The following RASSF3 variants were observed in gnomAD, a reference collection of about 807,000 sequenced individuals.
RASSF3 encodes Ras association domain family member 3.
A neutral mutation model predicts 19.9 loss-of-function variants in RASSF3; 19 were observed. That is an observed-to-expected ratio of 0.96 (90% confidence interval 0.67 to 1.40). The LOEUF is 1.40. Ranked by LOEUF, RASSF3 falls within the 40% of genes most tolerant of loss-of-function variation. The pLI is 0.00. For synonymous variants in RASSF3, 110 were observed against 104.2 expected, an observed-to-expected ratio of 1.06 and a Z score of -0.34; for missense variants, 306 against 289.8, an observed-to-expected ratio of 1.06 and a Z score of -0.41.
intron 1 of RASSF3, among the ~76,000 whole-genome samples, chr12:64,651,463 G>A (rs12313871): frequency 0.04 from 6,052 of 152,188 alleles, 428 homozygotes; most frequent in African/African-American, 0.14. Context: ...GGGTTCAAGT[G>A]ATTCTCTTGC....
chr12:64,677,400 A>G (rs1024644537), intron 1 of RASSF3, among the ~76,000 whole-genome samples: 1 of 152,040 alleles, frequency 6.6e-6, no homozygotes, highest in African/African-American at 2.4e-5. Context: ...TTTTAAAACA[A>G]TTTTTTGTAG....
chr12:64,635,303 G>A (rs1402342393), intron 1 of RASSF3, among the ~76,000 whole-genome samples: 2 of 151,842 alleles, frequency 1.3e-5, no homozygotes, highest in African/African-American at 4.8e-5. Flanking sequence ...ATGACCCCTC[G>A]TATCTGTATT....
At chr12:64,525,647 G>A (rs150434895) in intron 1 of RASSF3, among the ~76,000 whole-genome samples, 2,292 of 152,270 alleles carry the variant, frequency 0.015, 61 homozygotes, top group African/African-American at 0.053. Context: ...TGCGGAATGG[G>A]AAAATGGGCT....
chr12:64,634,033 C>G (rs1871248622), intron 1 of RASSF3, among the ~76,000 whole-genome samples: 1 of 152,094 alleles, frequency 6.6e-6, no homozygotes. Context: ...ACTGGGGAGG[C>G]TGAGGTGGGA....
intron 2 of RASSF3, among the ~76,000 whole-genome samples, chr12:64,587,051 CTTTTTTTT>C (rs747066386): frequency 7.5e-6 from 1 of 134,112 alleles, no homozygotes; most frequent in Non-Finnish European, 1.6e-5. Flanking sequence ...CCTCGCCTCA[CTTTTTTTT>C]TTTTTTTTTT....
intron 2 of RASSF3, among the ~76,000 whole-genome samples, chr12:64,586,627 AG>A (rs1329506649): frequency 1.3e-5 from 2 of 152,010 alleles, no homozygotes; most frequent in African/African-American, 4.8e-5. Flanking sequence ...AGTAAGATCA[AG>A]AAAAGTAAAA....
At chr12:64,559,117 A>G (rs1869302294) in intron 2 of RASSF3, among the ~76,000 whole-genome samples, 1 of 152,130 alleles carries the variant, frequency 6.6e-6, no homozygotes. Context: ...CACTTCTGCC[A>G]TCGGCGCTGA....
chr12:64,661,502 G>C, intron 1 of RASSF3, among the ~76,000 whole-genome samples: 1 of 151,874 alleles, frequency 6.6e-6, no homozygotes, highest in East Asian at 1.9e-4. Context: ...GGGGCGCAGG[G>C]GGTTCTTTCC....
At chr12:64,608,368 T>C (rs1003252159), upstream of RASSF3, among the ~76,000 whole-genome samples, 9 of 152,186 alleles carry the variant, frequency 5.9e-5, no homozygotes, top group African/African-American at 2.2e-4. Flanking sequence ...TCGCCCAGAC[T>C]GGAGTGCAAT....
chr12:64,531,398 A>G (rs1301993625), upstream of RASSF3, among the ~76,000 whole-genome samples: 1 of 152,172 alleles, frequency 6.6e-6, no homozygotes, highest in East Asian at 1.9e-4. Context: ...TCTCTAGTCT[A>G]CCTGAACATT....
chr12:64,511,533 G>A (rs1428809921), intron 1 of RASSF3, among the ~76,000 whole-genome samples: 1 of 152,070 alleles, frequency 6.6e-6, no homozygotes, highest in East Asian at 1.9e-4. Context: ...CCACATATAG[G>A]ATGAGCCCTA....
intron 1 of RASSF3, among the ~76,000 whole-genome samples, chr12:64,638,220 A>G (rs1871389659): frequency 6.6e-6 from 1 of 152,220 alleles, no homozygotes; most frequent in Non-Finnish European, 1.5e-5. Context: ...AATTTATTGA[A>G]GTAGGTCAAA....
chr12:64,641,496 GAGAA>G (rs1871528619), intron 1 of RASSF3, among the ~76,000 whole-genome samples: 1 of 151,140 alleles, frequency 6.6e-6, no homozygotes. Context: ...GCCTGGTTTT[GAGAA>G]AGTAACTGAC....
intron 1 of RASSF3, among the ~76,000 whole-genome samples, chr12:64,619,099 A>C (rs1241547098): frequency 6.6e-6 from 1 of 152,038 alleles, no homozygotes; most frequent in Non-Finnish European, 1.5e-5. Flanking sequence ...TTTGTTGAAC[A>C]ATGCTGTTTG....
At chr12:64,565,923 G>A (rs1049623839) in intron 2 of RASSF3, among the ~76,000 whole-genome samples, 2 of 149,386 alleles carry the variant, frequency 1.3e-5, no homozygotes, top group Non-Finnish European at 1.5e-5. Flanking sequence ...TCTTGCAGCC[G>A]GGCGTGGTGG....
At chr12:64,594,862 C>G (rs965432474) in intron 2 of RASSF3, among the ~76,000 whole-genome samples, 1 of 151,964 alleles carries the variant, frequency 6.6e-6, no homozygotes, top group African/African-American at 2.4e-5. Flanking sequence ...ATCATCCCAC[C>G]TTAGCCTCCC....
chr12:64,528,755 C>T (rs907202755), upstream of RASSF3, among the ~76,000 whole-genome samples: 4 of 152,208 alleles, frequency 2.6e-5, no homozygotes, highest in African/African-American at 4.8e-5. Flanking sequence ...GGGCAGGTGA[C>T]GCTGAAGAGG....
chr12:64,624,825 A>C (rs1249737220), intron 1 of RASSF3, among the ~76,000 whole-genome samples: 1 of 139,340 alleles, frequency 7.2e-6, no homozygotes, highest in African/African-American at 2.6e-5. Context: ...CCCCCGGGTA[A>C]TTTTTTTTTT....
At chr12:64,521,343 C>T (rs1868475358) in intron 1 of RASSF3, among the ~76,000 whole-genome samples, 2 of 152,298 alleles carry the variant, frequency 1.3e-5, no homozygotes, top group Middle Eastern at 3.4e-3. Flanking sequence ...CAAAGTTCCT[C>T]TTGTGAGGCT....
Sources: allele counts gnomAD v4.1 joint callset (sites outside exome capture counted in the v4.1 genomes callset), GRCh38; gene constraint gnomAD v4.1.1; transcripts MANE v1.5; gene names NCBI Gene and HGNC (gene_info 2026-07-23, HGNC 2026-07-21).